NDRG1: variants seen among roughly 807,000 people sequenced by gnomAD.
NDRG1 encodes N-myc downstream regulated 1.
A neutral mutation model predicts 56.9 loss-of-function variants in NDRG1; 32 were observed. That is an observed-to-expected ratio of 0.56 (90% CI 0.42 to 0.76). The LOEUF (loss-of-function observed/expected upper bound fraction) is 0.76. Among genes scored for constraint, NDRG1 ranks in the 30% least tolerant of loss-of-function variants. The probability of loss-of-function intolerance (pLI) is 0.00; values close to 1 mark genes in which losing one functional copy is unlikely to be tolerated. For synonymous variants in NDRG1, 211 were observed against 204.1 expected, an observed-to-expected ratio of 1.03 and a Z score of -0.29; for missense variants, 507 against 545.7, an observed-to-expected ratio of 0.93 and a Z score of 0.71.
intron 15 of NDRG1, chr8:133,241,768 C>A: frequency 1.7e-6 from 1 of 587,440 alleles, no homozygotes; most frequent in Non-Finnish European, 3.0e-6. Context: ...GGACAGTCCT[C>A]ATCTAAACCC....
rs143549909 is a variant in NDRG1, at chr8:133,250,478, G to A, written c.660C>T (p.Asn220=). The change falls in exon 10 of 16, where the codon AAC becomes AAT. Residue 220 remains asparagine (N), a synonymous_variant. Coordinates refer to ENST00000323851, the MANE Select transcript of NDRG1 (RefSeq NM_006096.4). ...TGATGAACAGGTGCAGGTTGCCGGG[G>A]TTCATGTCATTCACAATGTGCTGGC... The part of the protein sequence containing the change: ...TYRQHIVNDM[N]PGNLHLFINA... 1.2e-6 allele frequency: 2 copies of A among 1,614,070 alleles called. No individual in the cohort carries two copies. The highest frequency in any genetic ancestry group is 1.3e-5 in the African/African-American group (1 of 74,988).
chr8:133,296,619 T>G (rs981109682), intron 1 of NDRG1: 2 of 446,778 alleles, frequency 4.5e-6, no homozygotes, highest in African/African-American at 2.0e-5. Flanking sequence ...CTCTCCAGCC[T>G]CCTTGCCAGC....
chr8:133,269,563 AG>A (rs1348292515), intron 3 of NDRG1, among the ~76,000 whole-genome samples: 2 of 152,198 alleles, frequency 1.3e-5, no homozygotes, highest in African/African-American at 4.8e-5. Flanking sequence ...AGGCTGAGAG[AG>A]ATTAAGGACT....
intron 9 of NDRG1, among the ~76,000 whole-genome samples, chr8:133,253,914 C>T (rs1347912869): frequency 6.6e-6 from 1 of 151,606 alleles, no homozygotes; most frequent in Non-Finnish European, 1.5e-5. Flanking sequence ...GTTGCCCAGG[C>T]TGGTCTTGAA....
intron 5 of NDRG1, chr8:133,259,461 T>C: frequency 1.7e-6 from 1 of 582,138 alleles, no homozygotes; most frequent in Admixed American, 2.9e-5. Flanking sequence ...ATTAGCTCAT[T>C]CAATTTTCAC....
chr8:133,241,851 G>A lies in NDRG1; in HGVS notation c.943+172C>T, dbSNP rs559749604. On this transcript the variant is annotated intron_variant, in intron 15 of 15. Coordinates refer to ENST00000323851, the MANE Select transcript of NDRG1 (RefSeq NM_006096.4). ...AATGAGCCTCACTGATAAATGAGAGGCTAGATCCTCCAGGCTGCCACATGC... is the reference window on the plus strand; with the variant it reads ...AATGAGCCTCACTGATAAATGAGAGACTAGATCCTCCAGGCTGCCACATGC... The A allele has an allele frequency of 8.4e-6, 6 of 717,316 alleles. No individual in the cohort carries two copies. In the South Asian group the frequency reaches 1.0e-4, roughly 12 times the overall value. 44.4% of individuals were successfully genotyped at this position (717,316 alleles called of 1,614,324 possible). A position where few individuals can be genotyped will look rare whatever the true frequency, so the allele number is the denominator to read the frequency against.
At chr8:133,264,513 G>A (rs558474141) in intron 4 of NDRG1, 34 bp downstream of exon 4, 32 of 1,596,516 alleles carry the variant, frequency 2.0e-5, no homozygotes, top group East Asian at 8.9e-5. Context: ...CTTGGGAACC[G>A]GCTGACAGGG....
At chr8:133,261,169 G>A (rs968281735) in intron 5 of NDRG1, among the ~76,000 whole-genome samples, 2 of 152,026 alleles carry the variant, frequency 1.3e-5, no homozygotes, top group South Asian at 2.1e-4. Flanking sequence ...GCAGTGGTGC[G>A]ATCTTGGCTC....
At chr8:133,294,324 C>A (rs148816203) in intron 1 of NDRG1, among the ~76,000 whole-genome samples, 17 of 152,330 alleles carry the variant, frequency 1.1e-4, no homozygotes, top group African/African-American at 4.1e-4. Context: ...ACGATCCAGG[C>A]AACGTTCTTG....
chr8:133,295,679 C>T (rs1230169883), intron 1 of NDRG1, among the ~76,000 whole-genome samples: 1 of 152,224 alleles, frequency 6.6e-6, no homozygotes, highest in Non-Finnish European at 1.5e-5. Flanking sequence ...CGCCTTGAAA[C>T]TACATTTCTG....
At chr8:133,254,795 T>TG (rs1321823469) in intron 8 of NDRG1, 200 bp from the exon 9 acceptor site, 1 of 623,936 alleles carries the variant, frequency 1.6e-6, no homozygotes, top group Admixed American at 2.6e-5. Flanking sequence ...ATGCAGGGCC[T>TG]GGGACTATAT....
At chr8:133,254,698 T>TC in intron 8 of NDRG1, 103 bp from the exon 9 acceptor site, 3 of 1,149,498 alleles carry the variant, frequency 2.6e-6, no homozygotes, top group Non-Finnish European at 2.6e-6. Flanking sequence ...ATTGCTGGAC[T>TC]CCCCCCTACA....
chr8:133,286,230 C>T, intron 1 of NDRG1, among the ~76,000 whole-genome samples: 1 of 152,246 alleles, frequency 6.6e-6, no homozygotes, highest in East Asian at 1.9e-4. Context: ...AGCTCAACAG[C>T]ATGCTTTCAG....
At chr8:133,261,255 G>A (rs540459548) in intron 5 of NDRG1, among the ~76,000 whole-genome samples, 63 of 152,134 alleles carry the variant, frequency 4.1e-4, no homozygotes, top group Middle Eastern at 3.4e-3. Context: ...ATAGCCACCC[G>A]CCACCACGCC....
intron 3 of NDRG1, among the ~76,000 whole-genome samples, chr8:133,278,297 G>A (rs1294736450): frequency 1.3e-4 from 5 of 39,252 alleles, no homozygotes; most frequent in African/African-American, 3.8e-4. Context: ...TCAGGAGGGT[G>A]AAAAAGAGGA....
chr8:133,292,298 C>A (rs1858474029), intron 1 of NDRG1, among the ~76,000 whole-genome samples: 3 of 152,204 alleles, frequency 2.0e-5, no homozygotes, highest in Admixed American at 1.3e-4. Flanking sequence ...GCCACGCTAA[C>A]AGGATCCTTC....
At chr8:133,276,139 C>G (rs1857444552) in intron 3 of NDRG1, among the ~76,000 whole-genome samples, 2 of 152,218 alleles carry the variant, frequency 1.3e-5, no homozygotes, top group Non-Finnish European at 2.9e-5. Context: ...ATCCTGACCT[C>G]TGCTCTATCC....
rs1384358001 is a variant in NDRG1, at chr8:133,267,019, A to G, written c.100-2367T>C. On this transcript the variant is annotated intron_variant, in intron 3 of 15. Transcript: ENST00000323851. ...ATGAAAGCTCCGTACTGAGTTTCCA[A>G]CAAGAACTCACCACCTCCCCCTCCC... is the stretch of plus-strand genomic sequence containing the variant. Among the ~76,000 whole-genome samples the G allele has an allele frequency of 2.6e-5, 4 of 152,106 alleles. No individual in the cohort carries two copies. The East Asian group carries it at 5.8e-4, about 22-fold the overall frequency.
At position 133,259,154 on chromosome 8, in the gene NDRG1, T is replaced by C. The variant is rs1856534846; in HGVS notation, c.389+14A>G. On this transcript the variant is annotated intron_variant, in intron 6 of 15. Transcript: ENST00000323851. Reference sequence around the variant, plus strand: ...TCTCTGCAGACAGAGAAGGAGCTGATCCTTCGCTCTTACCCAAACTGTTGA... The same window carrying C: ...TCTCTGCAGACAGAGAAGGAGCTGACCCTTCGCTCTTACCCAAACTGTTGA... 2 of 1,613,546 alleles carry C rather than the reference T, an allele frequency of 1.2e-6. No individual in the cohort carries two copies. The highest frequency in any genetic ancestry group is 1.1e-5 in the South Asian group (1 of 91,070).
Sources: gnomAD v4.1 joint callset for allele counts (sites outside exome capture counted in the v4.1 genomes callset) on GRCh38, gnomAD v4.1.1 for gene constraint, MANE v1.5 for transcripts, NCBI Gene and HGNC (gene_info 2026-07-23, HGNC 2026-07-21) for gene names.